OTX2: variants seen among roughly 807,000 people sequenced by gnomAD.
OTX2 encodes homeobox protein OTX2.
Under a neutral mutation model 29.0 loss-of-function variants are expected in OTX2, and 4 were observed. The observed-to-expected ratio is 0.14, with a 90% CI of 0.07 to 0.32. The LOEUF (loss-of-function observed/expected upper bound fraction) is 0.32, where lower values mean the gene tolerates loss of function less well. Among genes scored for constraint, OTX2 ranks in the 10% least tolerant of loss-of-function variants. The pLI is 1.00. For synonymous variants in OTX2, 134 were observed against 141.0 expected, an observed-to-expected ratio of 0.95 and a Z score of 0.35; for missense variants, 298 against 365.9, an observed-to-expected ratio of 0.81 and a Z score of 1.51.
chr14:56,809,387 G>C (rs201058292), intron 2 of OTX2, among the ~76,000 whole-genome samples: 4 of 152,230 alleles, frequency 2.6e-5, no homozygotes, highest in Admixed American at 2.6e-4. Flanking sequence ...TTACAACCCA[G>C]GGTGGTTTGG....
chr14:56,802,384 C>A lies in OTX2; in HGVS notation c.274-29G>T, dbSNP rs201923654. ...GGAAGGGAAAGAAAATTCTTTAACT[C>A]GGTTTTGATAGTTCCTTAAGGACAA... On this transcript the variant is annotated intron_variant, in intron 4 of 4. Coordinates refer to ENST00000672264, the MANE Select transcript of OTX2 (RefSeq NM_021728.4). This position sits in a 1 kb window ranked among gnomAD's most constrained non-coding sequence, Gnocchi z 4.4. 15 of 1,612,926 alleles carry A rather than the reference C, an allele frequency of 9.3e-6. No homozygotes were observed. The highest frequency in any genetic ancestry group is 1.2e-5 in the Non-Finnish European group (14 of 1,179,658).
In OTX2 at chr14:56,801,694, T is replaced by C. The variant is rs3742576; in HGVS notation, c.*41A>G. 284 of 1,604,982 alleles carry C rather than the reference T, an allele frequency of 1.8e-4. 2 individuals carry two copies. In the East Asian group the frequency reaches 5.8e-3, roughly 33 times the overall value. On this transcript the variant is annotated 3_prime_UTR_variant, in exon 5 of 5. Coordinates refer to ENST00000672264, the MANE Select transcript of OTX2 (RefSeq NM_021728.4). This position sits in a 1 kb window ranked among gnomAD's most constrained non-coding sequence, Gnocchi z 4.2. ...GCTAAAACTGGAATGTCCAGCCCAG[T>C]ATATTTAAAAATCACCCACAAAAAG...
chr14:56,804,635 A>T lies in OTX2; in HGVS notation c.98-272T>A, dbSNP rs1208739496. On this transcript the variant is annotated intron_variant, in intron 3 of 4. Transcript: ENST00000672264. The surrounding 1 kb of genome is among the most constrained non-coding windows in gnomAD (Gnocchi z 4.1). The stretch of plus-strand genomic sequence containing the variant: ...ACATTTTTTAAAAGACACACAAAAA[A>T]GTTCTCCAAGATCAACCCCCAAACC... Among the ~76,000 whole-genome samples, 1 of 152,208 alleles carries T rather than the reference A, an allele frequency of 6.6e-6. No individual in the cohort carries two copies. Among genetic ancestry groups the T allele is most frequent in the Non-Finnish European group, 1.5e-5 (1 of 68,036 alleles).
chr14:56,809,097 G>T (rs957843530), intron 2 of OTX2, among the ~76,000 whole-genome samples: 1 of 152,212 alleles, frequency 6.6e-6, no homozygotes, highest in African/African-American at 2.4e-5. Flanking sequence ...GCCTGGGAAG[G>T]GGGTGCGCGA....
rs776053080 is a variant in OTX2 at position 56,801,730 on chromosome 14, G to T, written c.*5C>A. ...ATCACCCACAAAAAGAGGTTCTACA[G>T]GTCTTCACAAAACCTGGAATTTCCA... On this transcript the variant is annotated 3_prime_UTR_variant, in exon 5 of 5. Transcript: ENST00000672264. This position sits in a 1 kb window ranked among gnomAD's most constrained non-coding sequence, Gnocchi z 4.2. 5 of 1,613,620 alleles carry T rather than the reference G, an allele frequency of 3.1e-6. No individual in the cohort carries two copies. Among genetic ancestry groups the T allele is most frequent in the African/African-American group, 2.7e-5 (2 of 75,006 alleles).
At position 56,804,420 on chromosome 14, in the gene OTX2, C is replaced by T. The variant is rs1892005898; in HGVS notation, c.98-57G>A. The stretch of plus-strand genomic sequence containing the variant: ...AGGCGTTTCCGCGGGTTCTCCGACG[C>T]CCCTGCCCTCCACCCCGCAGCAGTC... On this transcript the variant is annotated intron_variant, in intron 3 of 4. Transcript: ENST00000672264. This position sits in a 1 kb window ranked among gnomAD's most constrained non-coding sequence, Gnocchi z 4.1. 2.7e-6 allele frequency: 4 copies of T among 1,496,102 alleles called. No homozygotes were observed. Among genetic ancestry groups the T allele is most frequent in the East Asian group, 2.3e-5 (1 of 43,530 alleles). 92.7% of individuals were successfully genotyped at this position (1,496,102 alleles called of 1,614,324 possible). A position where few individuals can be genotyped will look rare whatever the true frequency, so the allele number is the denominator to read the frequency against.
chr14:56,808,743 C>A (rs1019043128), intron 2 of OTX2, among the ~76,000 whole-genome samples: 1 of 152,186 alleles, frequency 6.6e-6, no homozygotes, highest in African/African-American at 2.4e-5. Context: ...CTTCCCCGTC[C>A]CCTCCCCAAG....
intron 2 of OTX2, among the ~76,000 whole-genome samples, chr14:56,809,302 A>T (rs955917480): frequency 5.3e-5 from 8 of 152,142 alleles, no homozygotes; most frequent in Non-Finnish European, 1.2e-4. Flanking sequence ...ATGTTGAAAA[A>T]ACACTCTTCA....
intron 4 of OTX2, among the ~76,000 whole-genome samples, chr14:56,803,293 AGT>A (rs1389418166): frequency 6.6e-6 from 1 of 152,216 alleles, no homozygotes; most frequent in African/African-American, 2.4e-5. Context: ...CTGTGGTAAA[AGT>A]GAGGCCACCA....
chr14:56,806,209 G>GCT (rs1292594384), intron 2 of OTX2, among the ~76,000 whole-genome samples: 3 of 152,052 alleles, frequency 2.0e-5, no homozygotes, highest in Admixed American at 6.5e-5. Flanking sequence ...TGGAAAAACC[G>GCT]CTCAACCACT....
chr14:56,802,445 G>C lies in OTX2; in HGVS notation c.274-90C>G. ...CGTATTATAAATCTATCCTACATGG[G>C]CAGATCAGCTAAACACACAATTTCC... is the stretch of plus-strand genomic sequence containing the variant. On this transcript the variant is annotated intron_variant, in intron 4 of 4. Transcript: ENST00000672264. The surrounding 1 kb of genome is among the most constrained non-coding windows in gnomAD (Gnocchi z 4.4). The C allele has an allele frequency of 7.2e-7, 1 of 1,397,510 alleles. No homozygotes were observed. The highest frequency in any genetic ancestry group is 1.2e-5 in the South Asian group (1 of 86,590). The allele number at this position is 1,397,510 out of a possible 1,614,324, so 86.6% of individuals were successfully genotyped here.
rs1051855794 is a variant in OTX2, at chr14:56,802,791, C to T, written c.274-436G>A. Among the ~76,000 whole-genome samples, 1 of 152,144 alleles carries T rather than the reference C, an allele frequency of 6.6e-6. No individual in the cohort carries two copies. The highest frequency in any genetic ancestry group is 2.4e-5 in the African/African-American group (1 of 41,422). ...TTCTGTTGTTACAGGCTAACAGGAACAGCCTAAATTCATTTACAGTTCATC... is the reference window on the plus strand; with the variant it reads ...TTCTGTTGTTACAGGCTAACAGGAATAGCCTAAATTCATTTACAGTTCATC... On this transcript the variant is annotated intron_variant, in intron 4 of 4. Transcript: ENST00000672264. The surrounding 1 kb of genome is among the most constrained non-coding windows in gnomAD (Gnocchi z 4.4).
rs777618282 is a variant in OTX2, at chr14:56,805,372, C to T, written c.85G>A (p.Val29Met). 124 of 1,611,970 alleles carry T rather than the reference C, an allele frequency of 7.7e-5. No individual in the cohort carries two copies. The highest frequency in any genetic ancestry group is 9.4e-5 in the Non-Finnish European group (111 of 1,178,264). Residue 29 changes from valine to methionine, a missense_variant, in exon 3 of 5, where the codon GTG becomes ATG. By Grantham distance (21) the Val-to-Met change is conservative. Around this residue, in one of 3 missense-constraint regions of OTX2, gnomAD observed 50 missense variants for 57.6 expected, o/e 0.87. Transcript: ENST00000672264. Reference protein sequence around the residue: ...TSGMDLLHPSVGYPGPWASCP... With the variant: ...TSGMDLLHPSMGYPGPWASCP... ...AGGGCTCACTTACCCGGGTAGCCCACGGAGGGGTGCAGCAAGTCCATACCC... is the reference window on the plus strand; with the variant it reads ...AGGGCTCACTTACCCGGGTAGCCCATGGAGGGGTGCAGCAAGTCCATACCC...
At chr14:56,805,732 C>G (rs1892068911) in intron 2 of OTX2, 157 bp from the exon 3 acceptor site, 4 of 411,320 alleles carry the variant, frequency 9.7e-6, no homozygotes, top group Non-Finnish European at 8.9e-6. Context: ...CCATCCCCAC[C>G]CCCACCCCCA....
chr14:56,805,506 C>T lies in OTX2; in HGVS notation c.-50G>A, dbSNP rs747816534. On this transcript the variant is annotated 5_prime_UTR_variant, in exon 3 of 5. Transcript: ENST00000672264. ...GTCGGCCCAAATCGGGGGTACCCAGCTGGAAGATCTTGATGCGCCCGGGGT... is the reference window on the plus strand; with the variant it reads ...GTCGGCCCAAATCGGGGGTACCCAGTTGGAAGATCTTGATGCGCCCGGGGT... 5 of 1,264,094 alleles carry T rather than the reference C, an allele frequency of 4.0e-6. No individual in the cohort carries two copies. The highest frequency in any genetic ancestry group is 1.8e-4 in the Middle Eastern group (1 of 5,444). The allele number at this position is 1,264,094 out of a possible 1,614,324, so 78.3% of individuals were successfully genotyped here. A position where few individuals can be genotyped will look rare whatever the true frequency, so the allele number is the denominator to read the frequency against.
chr14:56,807,583 G>C (rs932178082), intron 2 of OTX2, among the ~76,000 whole-genome samples: 14 of 152,122 alleles, frequency 9.2e-5, no homozygotes, highest in Admixed American at 6.5e-5. Context: ...CCTTCCAGGG[G>C]CTCCTTTGCC....
chr14:56,801,379 T>C lies in OTX2; in HGVS notation c.*356A>G, dbSNP rs1295354677. On this transcript the variant is annotated 3_prime_UTR_variant, in exon 5 of 5. Transcript: ENST00000672264. This position sits in a 1 kb window ranked among gnomAD's most constrained non-coding sequence, Gnocchi z 4.2. ...ATTGGCTAAAACAATGGAACACCTC[T>C]GCTTAAGAAGGCTATGACCTTCCCT... The C allele has an allele frequency of 5.2e-5, 18 of 342,880 alleles. No individual in the cohort carries two copies. Among genetic ancestry groups the C allele is most frequent in the Non-Finnish European group, 1.7e-5 (3 of 179,716 alleles). The allele number at this position is 342,880 out of a possible 1,614,324, so 21.2% of individuals were successfully genotyped here.
Position 56,805,475 on chromosome 14 carries a change from T to C in OTX2, c.-19A>G. On this transcript the variant is annotated 5_prime_UTR_variant, in exon 3 of 5. Transcript: ENST00000672264. ...ACATCATGCTAAGGTTGTTTGGAGG[T>C]GCAAAGTCGGCCCAAATCGGGGGTA... is the stretch of plus-strand genomic sequence containing the variant. The C allele has an allele frequency of 2.5e-6, 4 of 1,580,534 alleles. No homozygotes were observed. Among genetic ancestry groups the C allele is most frequent in the Non-Finnish European group, 3.5e-6 (4 of 1,150,058 alleles).
At position 56,804,124 on chromosome 14, in the gene OTX2, A is replaced by C. The variant is rs1891990741; in HGVS notation, c.273+64T>G. The C allele has an allele frequency of 2.5e-6, 4 of 1,577,226 alleles. No homozygotes were observed. In the Admixed American group the frequency reaches 6.7e-5, roughly 26 times the overall value. ...TCCTCTGAAAGACCTGGGGCTCTCC[A>C]CAGTCCCATACTCGGGAAGGGTGGC... On this transcript the variant is annotated intron_variant, in intron 4 of 4. Transcript: ENST00000672264. The surrounding 1 kb of genome is among the most constrained non-coding windows in gnomAD (Gnocchi z 4.1).
Sources: allele counts gnomAD v4.1 joint callset (sites outside exome capture counted in the v4.1 genomes callset), GRCh38; gene constraint gnomAD v4.1.1; regional missense constraint gnomAD v4.1.1; non-coding constraint Gnocchi (gnomAD v3.1); transcripts MANE v1.5; gene names NCBI Gene and HGNC (gene_info 2026-07-23, HGNC 2026-07-21).